TBC1D7: variants seen among roughly 807,000 people sequenced by gnomAD.
TBC1D7 encodes the protein TBC1 domain family member 7.
In TBC1D7, 33 loss-of-function variants were observed where a neutral mutation model predicts 35.3. The observed-to-expected ratio is 0.93, with a 90% CI of 0.71 to 1.25. The LOEUF (loss-of-function observed/expected upper bound fraction) is 1.25. Ranked by LOEUF, TBC1D7 falls within the 50% of genes most tolerant of loss-of-function variation. The pLI is 0.00. For synonymous variants in TBC1D7, 135 were observed against 129.5 expected (o/e 1.04, Z -0.29); for missense variants, 362 against 365.3 (o/e 0.99, Z 0.07).
chr6:13,313,226 C>A (rs6914796), intron 5 of TBC1D7, among the ~76,000 whole-genome samples: 18,802 of 151,886 alleles, frequency 0.12, 1,388 homozygotes, highest in East Asian at 0.34. Flanking sequence ...TGACTATATA[C>A]CAATAACTCT....
chr6:13,307,369 T>A, intron 6 of TBC1D7: 1 of 433,612 alleles, frequency 2.3e-6, no homozygotes, highest in Non-Finnish European at 4.1e-6. Flanking sequence ...TGGAGACCAT[T>A]TGAGGTGTGA....
chr6:13,325,070 T>C, intron 3 of TBC1D7, 24 bp downstream of exon 3: 1 of 1,545,760 alleles, frequency 6.5e-7, no homozygotes, highest in Non-Finnish European at 8.9e-7. Flanking sequence ...TTAAGATAAA[T>C]CTTCCAACTC....
In TBC1D7 at chr6:13,305,022, A is replaced by G. The variant is rs547673167; in HGVS notation, c.*79T>C. 6.8e-5 allele frequency: 82 copies of G among 1,204,122 alleles called. No homozygotes were observed. Among genetic ancestry groups the G allele is most frequent in the East Asian group, 6.6e-4 (26 of 39,338 alleles). The allele number at this position is 1,204,122 out of a possible 1,614,324, so 74.6% of individuals were successfully genotyped here. On this transcript the variant is annotated 3_prime_UTR_variant, in exon 8 of 8. Coordinates refer to ENST00000379300, the MANE Select transcript of TBC1D7 (RefSeq NM_016495.6). The stretch of plus-strand genomic sequence containing the variant: ...CAAAGCAAGAAAAGTGTATTATTCA[A>G]TCAGTTTCCCAGATCACATGCCAAG...
intron 5 of TBC1D7, among the ~76,000 whole-genome samples, chr6:13,315,915 A>G (rs546188013): frequency 4.6e-5 from 7 of 152,350 alleles, no homozygotes; most frequent in African/African-American, 1.7e-4. Flanking sequence ...TCAGCTGTAC[A>G]TGCAGAGGGA....
At chr6:13,325,984 G>C (rs1041037612) in intron 2 of TBC1D7, among the ~76,000 whole-genome samples, 3 of 152,156 alleles carry the variant, frequency 2.0e-5, no homozygotes, top group African/African-American at 4.8e-5. Context: ...CTAAAGCAAA[G>C]ACCGCACAAT....
intron 5 of TBC1D7, among the ~76,000 whole-genome samples, chr6:13,315,960 C>T (rs545000590): frequency 7.9e-5 from 12 of 152,282 alleles, no homozygotes; most frequent in African/African-American, 2.6e-4. Context: ...CTGGCTTGTC[C>T]CTCTTATTCC....
intron 4 of TBC1D7, 68 bp downstream of exon 4, chr6:13,320,840 T>G: frequency 6.7e-7 from 1 of 1,501,886 alleles, no homozygotes. Context: ...AAACATGATG[T>G]AATCAAAGGC....
chr6:13,322,910 T>C (rs1784144063), intron 3 of TBC1D7, among the ~76,000 whole-genome samples: 1 of 152,198 alleles, frequency 6.6e-6, no homozygotes, highest in Non-Finnish European at 1.5e-5. Flanking sequence ...TTTTTGATAT[T>C]TAACTAAAAT....
intron 1 of TBC1D7, 175 bp from the exon 2 acceptor site, chr6:13,327,081 C>A: frequency 2.1e-6 from 1 of 473,728 alleles, no homozygotes. Context: ...AGTTCTGCAA[C>A]TATCTCACCT....
intron 6 of TBC1D7, 62 bp from the exon 7 acceptor site, chr6:13,306,589 A>T (rs1242492938): frequency 7.7e-7 from 1 of 1,299,216 alleles, no homozygotes; most frequent in Non-Finnish European, 1.0e-6. Flanking sequence ...TAGCCTAGAC[A>T]TCTCAAATTA....
intron 1 of TBC1D7, among the ~76,000 whole-genome samples, chr6:13,327,304 C>T (rs1784464983): frequency 6.6e-6 from 1 of 152,182 alleles, no homozygotes. Flanking sequence ...AAACAGTATA[C>T]ACTATGATTT....
rs1483356163 is a variant in TBC1D7, at chr6:13,327,930, G to A, written c.-9+366C>T. 2.0e-5 allele frequency: 3 copies of A among 152,156 alleles called. No homozygotes were observed. In the East Asian group the frequency reaches 5.8e-4, roughly 29 times the overall value. 9.4% of individuals were successfully genotyped at this position (152,156 alleles called of 1,614,324 possible). ...GCAGGGGAGGGCTTCCTTCCTTATT[G>A]AAAAGATATCCTCTGAACCGATTCA... On this transcript the variant is annotated intron_variant, in intron 1 of 7. Coordinates refer to ENST00000379300, the MANE Select transcript of TBC1D7 (RefSeq NM_016495.6).
chr6:13,323,643 T>C (rs894531681), intron 3 of TBC1D7: 1 of 152,242 alleles, frequency 6.6e-6, no homozygotes, highest in African/African-American at 2.4e-5. Flanking sequence ...CACGTTGACC[T>C]ACCAGACATA....
chr6:13,311,063 C>T (rs2127526541), intron 5 of TBC1D7, among the ~76,000 whole-genome samples: 1 of 152,150 alleles, frequency 6.6e-6, no homozygotes, highest in East Asian at 1.9e-4. Flanking sequence ...CAACAGAAGG[C>T]AAAACGTGAC....
In TBC1D7 at chr6:13,307,737, C is replaced by T. The variant is rs139301069; in HGVS notation, c.528G>A (p.Ala176=). The change falls in exon 6 of 8, where the codon GCG becomes GCA. Residue 176 remains alanine (A), a synonymous_variant. Coordinates refer to ENST00000379300, the MANE Select transcript of TBC1D7 (RefSeq NM_016495.6). ...YRDSLPQLPK[A]FEQYLNLEDG... is the part of the protein sequence containing the mutation. ...CTTCCAGATTCAAGTATTGTTCAAA[C>T]GCTTTTGGCTAAAGATTAAGCAAGA... is the stretch of plus-strand genomic sequence containing the variant. The T allele has an allele frequency of 3.2e-5, 52 of 1,613,484 alleles. No individual in the cohort carries two copies. The highest frequency in any genetic ancestry group is 3.1e-4 in the African/African-American group (23 of 75,018).
rs558290986 is a variant in TBC1D7, at chr6:13,322,198, G to A, written c.194-1103C>T. Among the ~76,000 whole-genome samples the A allele has an allele frequency of 1.3e-3, 201 of 152,028 alleles. 1 individual carries two copies. The highest frequency in any genetic ancestry group is 2.5e-3 in the Non-Finnish European group (173 of 67,994). On this transcript the variant is annotated intron_variant, in intron 3 of 7. Coordinates refer to ENST00000379300, the MANE Select transcript of TBC1D7 (RefSeq NM_016495.6). ...GAGCCTAGGAAGTCAAGGCCATAGTGAGCTGTGATCGTACCACCGCACGCC... is the reference window on the plus strand; with the variant it reads ...GAGCCTAGGAAGTCAAGGCCATAGTAAGCTGTGATCGTACCACCGCACGCC...
At chr6:13,324,538 C>T (rs1784277978) in intron 3 of TBC1D7, among the ~76,000 whole-genome samples, 1 of 152,184 alleles carries the variant, frequency 6.6e-6, no homozygotes, top group Non-Finnish European at 1.5e-5. Flanking sequence ...AAAAGGGATG[C>T]TGCCAGTTAC....
intron 3 of TBC1D7, among the ~76,000 whole-genome samples, chr6:13,324,070 G>T (rs2496134): frequency 0.25 from 37,962 of 152,038 alleles, 5,064 homozygotes; most frequent in South Asian, 0.41. Context: ...ATTCTTCAGG[G>T]AATTTAGTAC....
chr6:13,313,608 T>G (rs1783388116), intron 5 of TBC1D7, among the ~76,000 whole-genome samples: 1 of 152,228 alleles, frequency 6.6e-6, no homozygotes, highest in Non-Finnish European at 1.5e-5. Flanking sequence ...ACTCTCAGTA[T>G]GGATCTCTTA....
Sources: allele counts gnomAD v4.1 joint callset (sites outside exome capture counted in the v4.1 genomes callset), GRCh38; gene constraint gnomAD v4.1.1; transcripts MANE v1.5; gene names NCBI Gene and HGNC (gene_info 2026-07-23, HGNC 2026-07-21).